USP12: variants seen among roughly 807,000 people sequenced by gnomAD.
The protein encoded by USP12 is ubiquitin specific peptidase 12, also known as ubiquitin carboxyl-terminal hydrolase 12.
Under a neutral mutation model 45.5 loss-of-function variants are expected in USP12, and 19 were observed. The observed-to-expected ratio is 0.42, with a 90% CI of 0.29 to 0.61. USP12 has a LOEUF of 0.61. Among genes scored for constraint, USP12 ranks in the 20% least tolerant of loss-of-function variants. The probability of loss-of-function intolerance (pLI) is 0.22; values close to 1 mark genes in which losing one functional copy is unlikely to be tolerated. For missense variants in USP12, 242 were observed against 447.7 expected (o/e 0.54, Z 4.15); for synonymous variants, 149 against 148.8 (o/e 1.00, Z -0.01).
intron 1 of USP12, among the ~76,000 whole-genome samples, chr13:27,137,975 G>A (rs908539081): frequency 1.6e-4 from 24 of 152,228 alleles, no homozygotes; most frequent in African/African-American, 5.1e-4. Flanking sequence ...AAAAAGCCTA[G>A]AGCCTTCACT....
At chr13:27,081,371 A>G (rs889983691) in intron 6 of USP12, among the ~76,000 whole-genome samples, 2 of 152,228 alleles carry the variant, frequency 1.3e-5, no homozygotes, top group African/African-American at 2.4e-5. Flanking sequence ...TTGATCTTCC[A>G]TAAGAAGCAA....
chr13:27,164,999 C>T (rs1327115057), intron 1 of USP12, among the ~76,000 whole-genome samples: 2 of 149,562 alleles, frequency 1.3e-5, no homozygotes, highest in Non-Finnish European at 3.0e-5. Context: ...AAAATAAGTC[C>T]TGAAGCTAAC....
At chr13:27,096,146 T>C (rs1327306) in intron 3 of USP12, among the ~76,000 whole-genome samples, 126,501 of 152,184 alleles carry the variant, frequency 0.83, 54,675 homozygotes, top group South Asian at 0.97. Context: ...ACTTATTATT[T>C]CACAAATATT....
chr13:27,150,182 A>G (rs775885587), intron 1 of USP12, among the ~76,000 whole-genome samples: 1 of 152,268 alleles, frequency 6.6e-6, no homozygotes, highest in Non-Finnish European at 1.5e-5. Flanking sequence ...GTATACCTGT[A>G]TCAAAATATC....
At chr13:27,080,982 T>C (rs998797426) in intron 6 of USP12, among the ~76,000 whole-genome samples, 5 of 151,896 alleles carry the variant, frequency 3.3e-5, no homozygotes, top group Admixed American at 3.3e-4. Flanking sequence ...AGGATGGTGG[T>C]TGCTGAAGGT....
chr13:27,128,313 A>G (rs993828616), intron 1 of USP12, among the ~76,000 whole-genome samples: 1 of 152,226 alleles, frequency 6.6e-6, no homozygotes, highest in Non-Finnish European at 1.5e-5. Flanking sequence ...CCACTCTGTC[A>G]AGCCTTCACA....
At chr13:27,072,022 C>T (rs959765550) in intron 7 of USP12, among the ~76,000 whole-genome samples, 49 of 152,090 alleles carry the variant, frequency 3.2e-4, no homozygotes, top group African/African-American at 1.2e-3. Context: ...AAGCCACCTA[C>T]TATAATATCT....
At chr13:27,132,727 G>A (rs1565999016) in intron 1 of USP12, among the ~76,000 whole-genome samples, 2 of 152,220 alleles carry the variant, frequency 1.3e-5, no homozygotes, top group Non-Finnish European at 2.9e-5. Context: ...CTCAGAATAG[G>A]AATGTCCTTG....
At chr13:27,159,503 C>T (rs1255839735) in intron 1 of USP12, among the ~76,000 whole-genome samples, 2 of 152,192 alleles carry the variant, frequency 1.3e-5, no homozygotes, top group Non-Finnish European at 2.9e-5. Context: ...CCTATTCAAT[C>T]CAGCCTTCTC....
At chr13:27,102,865 A>G (rs1047246982) in intron 3 of USP12, among the ~76,000 whole-genome samples, 13 of 152,234 alleles carry the variant, frequency 8.5e-5, no homozygotes, top group Admixed American at 8.5e-4. Context: ...AACAGGAAAT[A>G]TATCTATCAT....
intron 2 of USP12, among the ~76,000 whole-genome samples, chr13:27,108,905 T>C (rs1219982354): frequency 6.6e-6 from 1 of 152,190 alleles, no homozygotes; most frequent in African/African-American, 2.4e-5. Context: ...GGTACCACTG[T>C]ACTCGGGCTT....
rs371932987 is a variant in USP12 at position 27,140,907 on chromosome 13, ATCTC to A, written c.49-24315_49-24312del. Among the ~76,000 whole-genome samples the A allele has an allele frequency of 1.1e-4, 16 of 152,022 alleles. 1 individual carries two copies. The South Asian group carries it at 2.9e-3, about 28-fold the overall frequency. On this transcript the variant is annotated intron_variant, in intron 1 of 8. Coordinates refer to ENST00000282344, the MANE Select transcript of USP12 (RefSeq NM_182488.4). ...TGAACTTCAGAAACGTCACACAAGAATCTCTCTAACGCCTTTTGTAGCTATTCCA... is the reference window on the plus strand; with the variant it reads ...TGAACTTCAGAAACGTCACACAAGAATCTAACGCCTTTTGTAGCTATTCCA...
At chr13:27,134,176 T>C (rs1876674472) in intron 1 of USP12, among the ~76,000 whole-genome samples, 1 of 152,196 alleles carries the variant, frequency 6.6e-6, no homozygotes, top group African/African-American at 2.4e-5. Context: ...ACATTATGAC[T>C]GAAATGTGTG....
chr13:27,088,190 G>A (rs1261214262), intron 6 of USP12, among the ~76,000 whole-genome samples: 6 of 152,220 alleles, frequency 3.9e-5, no homozygotes, highest in Non-Finnish European at 2.9e-5. Flanking sequence ...GGAGGCCGAG[G>A]CAGGCGGATC....
chr13:27,117,866 T>C, intron 1 of USP12: 2 of 517,248 alleles, frequency 3.9e-6, no homozygotes, highest in Non-Finnish European at 7.7e-6. Flanking sequence ...GGGGGAGAAA[T>C]GTGGCCCTGA....
In USP12 at chr13:27,128,981, T is replaced by TA. The variant is rs549704106; in HGVS notation, c.49-12386dup. 7.0e-3 allele frequency among the ~76,000 whole-genome samples: 1,067 copies of TA among 152,328 alleles called. 8 individuals are homozygous for TA. Among genetic ancestry groups the TA allele is most frequent in the Middle Eastern group, 0.014 (4 of 294 alleles). ...TACATTATGGACTGACTTAGTTTAA[T>TA]AGTAACGGAGTTCATACTCCAGATT... On this transcript the variant is annotated intron_variant, in intron 1 of 8. Coordinates refer to ENST00000282344, the MANE Select transcript of USP12 (RefSeq NM_182488.4).
chr13:27,145,006 G>A (rs755681462), intron 1 of USP12, among the ~76,000 whole-genome samples: 7 of 152,180 alleles, frequency 4.6e-5, no homozygotes, highest in Non-Finnish European at 1.0e-4. Context: ...TGTCGAGGCT[G>A]CAGTGAGCCA....
chr13:27,165,885 G>C (rs1404678613), intron 1 of USP12, among the ~76,000 whole-genome samples: 1 of 151,792 alleles, frequency 6.6e-6, no homozygotes, highest in East Asian at 1.9e-4. Context: ...AACATAATTA[G>C]AACTCCCAAG....
rs572400962 is a variant in USP12 at position 27,142,699 on chromosome 13, G to A, written c.49-26103C>T. On this transcript the variant is annotated intron_variant, in intron 1 of 8. Coordinates refer to ENST00000282344, the MANE Select transcript of USP12 (RefSeq NM_182488.4). ...AGTCAGTTTGGAGGGGCTTCCACTGGCAAAATCGAGACTAATTTGAACATC... is the reference window on the plus strand; with the variant it reads ...AGTCAGTTTGGAGGGGCTTCCACTGACAAAATCGAGACTAATTTGAACATC... Among the ~76,000 whole-genome samples, 14 of 152,186 alleles carry A rather than the reference G, an allele frequency of 9.2e-5. No individual in the cohort carries two copies. The South Asian group carries it at 2.9e-3, about 32-fold the overall frequency.
Sources: allele counts gnomAD v4.1 joint callset (sites outside exome capture counted in the v4.1 genomes callset), GRCh38; gene constraint gnomAD v4.1.1; transcripts MANE v1.5; gene names NCBI Gene and HGNC (gene_info 2026-07-23, HGNC 2026-07-21).